Variants in PEBP4 observed in about 807,000 individuals in gnomAD.
PEBP4 encodes the protein phosphatidylethanolamine binding protein 4.
PEBP4 carries 22 observed loss-of-function variants against 23.9 expected under a neutral mutation model. The ratio of observed to expected loss-of-function variants is 0.92; its 90% CI spans 0.66 to 1.31. The LOEUF (loss-of-function observed/expected upper bound fraction) is 1.31. PEBP4 is among the 40% of genes most tolerant of loss of function. The pLI, the probability that PEBP4 is intolerant of heterozygous loss-of-function variation, is 0.00. For missense variants in PEBP4, 324 were observed against 281.7 expected (o/e 1.15, Z -1.07); for synonymous variants, 112 against 99.3 (o/e 1.13, Z -0.76).
chr8:22,902,604 A>G (rs1179452003), intron 3 of PEBP4, among the ~76,000 whole-genome samples: 1 of 152,172 alleles, frequency 6.6e-6, no homozygotes, highest in Non-Finnish European at 1.5e-5. Flanking sequence ...CCTGGACTCT[A>G]GCCTCAGCTC....
chr8:22,783,464 C>T (rs932726903), intron 4 of PEBP4, among the ~76,000 whole-genome samples: 3 of 152,192 alleles, frequency 2.0e-5, no homozygotes, highest in South Asian at 2.1e-4. Context: ...AAGGCAGTGG[C>T]GCAGCTGCTC....
chr8:22,884,402 C>T (rs1247833805), intron 3 of PEBP4: 1 of 152,246 alleles, frequency 6.6e-6, no homozygotes, highest in African/African-American at 2.4e-5. Flanking sequence ...ACGATGATAG[C>T]ACTGTCTTTG....
chr8:22,915,371 C>T (rs539616556), intron 3 of PEBP4, among the ~76,000 whole-genome samples: 70 of 152,114 alleles, frequency 4.6e-4, no homozygotes, highest in African/African-American at 1.7e-3. Context: ...CATGGATGTG[C>T]CCCTGCCCTA....
chr8:22,873,759 A>G (rs1808059524), intron 3 of PEBP4, among the ~76,000 whole-genome samples: 1 of 152,132 alleles, frequency 6.6e-6, no homozygotes, highest in East Asian at 1.9e-4. Flanking sequence ...ACCGATACTC[A>G]TTTTTATTCC....
At position 22,891,239 on chromosome 8, in the gene PEBP4, G is replaced by GATGAATGAATGA. The variant is rs112416849; in HGVS notation, c.258+28933_258+28944dup. ...ATATTTCTTCCATATGCACTTGCCA[G>GATGAATGAATGA]ATGAATGAATGAATGAATGCTTATG... is the stretch of plus-strand genomic sequence containing the variant. On this transcript the variant is annotated intron_variant, in intron 3 of 6. Transcript: ENST00000256404. Among the ~76,000 whole-genome samples, 341 of 151,844 alleles carry GATGAATGAATGA rather than the reference G, an allele frequency of 2.2e-3. 2 individuals carry two copies. Among genetic ancestry groups the GATGAATGAATGA allele is most frequent in the African/African-American group, 6.6e-3 (274 of 41,434 alleles).
chr8:22,843,859 GATGC>G (rs1234417353), intron 3 of PEBP4, among the ~76,000 whole-genome samples: 2 of 152,146 alleles, frequency 1.3e-5, no homozygotes, highest in African/African-American at 2.4e-5. Context: ...GGAGTGAGGC[GATGC>G]CCCTCCGCTC....
intron 3 of PEBP4, among the ~76,000 whole-genome samples, chr8:22,839,835 G>A (rs966936624): frequency 1.3e-5 from 2 of 152,156 alleles, no homozygotes; most frequent in African/African-American, 4.8e-5. Context: ...GCTGAAAATG[G>A]TGTTTTTTAC....
At chr8:22,732,909 T>C (rs139115618) in intron 4 of PEBP4, among the ~76,000 whole-genome samples, 1 of 152,316 alleles carries the variant, frequency 6.6e-6, no homozygotes, top group Non-Finnish European at 1.5e-5. Context: ...GCAAGCGAGA[T>C]ACTCAGGGAA....
intron 4 of PEBP4, among the ~76,000 whole-genome samples, chr8:22,788,241 T>C (rs993390720): frequency 1.3e-5 from 2 of 151,878 alleles, no homozygotes; most frequent in African/African-American, 4.8e-5. Context: ...GGGAGAGGGC[T>C]TCTAACTATC....
rs1806242525 is a variant in PEBP4, at chr8:22,795,787, A to G, written c.357+21850T>C. ...TTTTTTTTCCATTTAAATGCTTCAC[A>G]TTTATTGGGTAATATTTTAACGATA... is the stretch of plus-strand genomic sequence containing the variant. On this transcript the variant is annotated intron_variant, in intron 4 of 6. Coordinates refer to ENST00000256404, the MANE Select transcript of PEBP4 (RefSeq NM_144962.3). 3.3e-5 allele frequency among the ~76,000 whole-genome samples: 5 copies of G among 152,190 alleles called. 1 individual carries two copies. In the South Asian group the frequency reaches 1.0e-3, roughly 31 times the overall value.
chr8:22,799,932 C>T (rs1015495282), intron 4 of PEBP4, among the ~76,000 whole-genome samples: 1 of 152,196 alleles, frequency 6.6e-6, no homozygotes, highest in Non-Finnish European at 1.5e-5. Context: ...CTATTCACAA[C>T]AGCAAAGACT....
chr8:22,881,947 G>A (rs74886853), intron 3 of PEBP4, among the ~76,000 whole-genome samples: 1,749 of 152,296 alleles, frequency 0.011, 28 homozygotes, highest in African/African-American at 0.04. Flanking sequence ...GGTAATAAGC[G>A]TAGAAGCCTG....
At chr8:22,866,902 G>A (rs544176722) in intron 3 of PEBP4, among the ~76,000 whole-genome samples, 25 of 152,334 alleles carry the variant, frequency 1.6e-4, no homozygotes, top group Admixed American at 2.6e-4. Flanking sequence ...TGGAAGTGGA[G>A]GAGCTAGTCC....
intron 6 of PEBP4, among the ~76,000 whole-genome samples, chr8:22,721,154 G>A (rs1025342345): frequency 1.2e-4 from 19 of 152,268 alleles, no homozygotes; most frequent in African/African-American, 4.1e-4. Context: ...TGGGAAAGTC[G>A]AGCCTCATCA....
rs73551895 is a variant in PEBP4, at chr8:22,732,061, C to T, written c.358-4841G>A. Among the ~76,000 whole-genome samples the T allele has an allele frequency of 7.6e-3, 1,151 of 152,158 alleles. 9 individuals are homozygous for T. Among genetic ancestry groups the T allele is most frequent in the Admixed American group, 0.026 (390 of 15,286 alleles). On this transcript the variant is annotated intron_variant, in intron 4 of 6. Transcript: ENST00000256404. ...TAGTTCAGTTTCTCATCCTCGAGAA[C>T]GCTGAAAAGCCCAGGATGGGTTTTT...
chr8:22,800,801 C>T (rs186180667), intron 4 of PEBP4, among the ~76,000 whole-genome samples: 4 of 152,252 alleles, frequency 2.6e-5, no homozygotes, highest in East Asian at 3.9e-4. Context: ...TTCTTGGAGC[C>T]GGTGCATACA....
chr8:22,921,979 G>C (rs898525735), intron 2 of PEBP4, among the ~76,000 whole-genome samples: 3 of 152,202 alleles, frequency 2.0e-5, no homozygotes, highest in Non-Finnish European at 2.9e-5. Flanking sequence ...ACGCCCTCAC[G>C]CCCATAACCC....
At chr8:22,839,852 G>C (rs767562321) in intron 3 of PEBP4, among the ~76,000 whole-genome samples, 1 of 152,022 alleles carries the variant, frequency 6.6e-6, no homozygotes, top group Admixed American at 6.5e-5. Context: ...TTACCCCCTC[G>C]CCCAAACCCC....
chr8:22,844,956 G>C (rs117070186), intron 3 of PEBP4, among the ~76,000 whole-genome samples: 3 of 152,212 alleles, frequency 2.0e-5, no homozygotes, highest in African/African-American at 7.2e-5. Flanking sequence ...CCATTAGCAG[G>C]GGGCAGGAGA....
Sources: allele counts gnomAD v4.1 joint callset (sites outside exome capture counted in the v4.1 genomes callset), GRCh38; gene constraint gnomAD v4.1.1; transcripts MANE v1.5; gene names NCBI Gene and HGNC (gene_info 2026-07-23, HGNC 2026-07-21).